The following MCEMP1 variants were observed in gnomAD, a reference collection of about 807,000 sequenced individuals.
MCEMP1 encodes mast cell-expressed membrane protein 1.
In MCEMP1, 17 loss-of-function variants were observed where a neutral mutation model predicts 27.9. The ratio of observed to expected loss-of-function variants is 0.61; its 90% CI spans 0.42 to 0.91. The LOEUF is 0.91. MCEMP1 is among the 40% of genes least tolerant of loss of function. MCEMP1 has a pLI of 0.00. For synonymous variants in MCEMP1, 88 were observed against 76.9 expected, an observed-to-expected ratio of 1.14 and a Z score of -0.76; for missense variants, 200 against 204.8, an observed-to-expected ratio of 0.98 and a Z score of 0.14.
At position 7,679,029 on chromosome 19, in the gene MCEMP1, T is replaced by C; in HGVS notation, c.508+46T>C. ...GAGGTGGAGGAGGGTGGGTGGGGCTTCAGATTTAGCCCCAGCTCCTCTCCC... is the reference window on the plus strand; with the variant it reads ...GAGGTGGAGGAGGGTGGGTGGGGCTCCAGATTTAGCCCCAGCTCCTCTCCC... On this transcript the variant is annotated intron_variant, in intron 6 of 6. Coordinates refer to ENST00000333598, the MANE Select transcript of MCEMP1 (RefSeq NM_174918.3). This position sits in a 1 kb window ranked among gnomAD's most constrained non-coding sequence, Gnocchi z 4.9. 2 of 1,601,400 alleles carry C rather than the reference T, an allele frequency of 1.2e-6. No individual in the cohort carries two copies. Among genetic ancestry groups the C allele is most frequent in the Non-Finnish European group, 1.7e-6 (2 of 1,172,674 alleles).
In MCEMP1 at chr19:7,679,311, CGT is replaced by C. The variant is rs2032595718; in HGVS notation, c.*203_*204del. ...GTGTACACCTGCGTGCGTGTGTGTGCGTGTGTGCGCGTGTGTTCGTGTATGTG... is the reference window on the plus strand; with the variant it reads ...GTGTACACCTGCGTGCGTGTGTGTGCGTGTGCGCGTGTGTTCGTGTATGTG... On this transcript the variant is annotated 3_prime_UTR_variant, in exon 7 of 7. Coordinates refer to ENST00000333598, the MANE Select transcript of MCEMP1 (RefSeq NM_174918.3). This position sits in a 1 kb window ranked among gnomAD's most constrained non-coding sequence, Gnocchi z 4.9. The C allele has an allele frequency of 4.7e-6, 3 of 639,052 alleles. No individual in the cohort carries two copies. The highest frequency in any genetic ancestry group is 8.0e-6 in the Non-Finnish European group (3 of 372,948). 39.6% of individuals were successfully genotyped at this position (639,052 alleles called of 1,614,324 possible).
rs1040585038 is a variant in MCEMP1 at position 7,677,435 on chromosome 19, G to A, written c.56-202G>A. The stretch of plus-strand genomic sequence containing the variant: ...GGGCTCCTTCCCCTCCAAGATGTGT[G>A]GATGTGTGTGTGGATGTGTGTGTGG... On this transcript the variant is annotated intron_variant, in intron 1 of 6. Coordinates refer to ENST00000333598, the MANE Select transcript of MCEMP1 (RefSeq NM_174918.3). The surrounding 1 kb of genome is among the most constrained non-coding windows in gnomAD (Gnocchi z 4.6). 2.8e-5 allele frequency among the ~76,000 whole-genome samples: 4 copies of A among 144,502 alleles called. No homozygotes were observed. Among genetic ancestry groups the A allele is most frequent in the Non-Finnish European group, 6.1e-5 (4 of 65,512 alleles). 94.8% of individuals were successfully genotyped at this position (144,502 alleles called of 152,430 possible). A position where few individuals can be genotyped will look rare whatever the true frequency, so the allele number is the denominator to read the frequency against.
At position 7,677,994 on chromosome 19, in the gene MCEMP1, C is replaced by T. The variant is rs2032571951; in HGVS notation, c.146-110C>T. The T allele has an allele frequency of 4.1e-6, 6 of 1,452,550 alleles. No homozygotes were observed. In the East Asian group the frequency reaches 9.1e-5, roughly 22 times the overall value. The allele number at this position is 1,452,550 out of a possible 1,614,324, so 90.0% of individuals were successfully genotyped here. A position where few individuals can be genotyped will look rare whatever the true frequency, so the allele number is the denominator to read the frequency against. ...ATGATGACAAGCTGCATGACCACAG[C>T]TGCTGATGGTTTTGAGAGGAGCGAG... On this transcript the variant is annotated intron_variant, in intron 2 of 6. Coordinates refer to ENST00000333598, the MANE Select transcript of MCEMP1 (RefSeq NM_174918.3). The surrounding 1 kb of genome is among the most constrained non-coding windows in gnomAD (Gnocchi z 4.6).
chr19:7,677,798 C>A lies in MCEMP1; in HGVS notation c.145+72C>A, dbSNP rs1282104875. The A allele has an allele frequency of 1.4e-6, 2 of 1,390,848 alleles. No individual in the cohort carries two copies. Among genetic ancestry groups the A allele is most frequent in the African/African-American group, 2.9e-5 (2 of 68,770 alleles). 86.2% of individuals were successfully genotyped at this position (1,390,848 alleles called of 1,614,324 possible). On this transcript the variant is annotated intron_variant, in intron 2 of 6. Coordinates refer to ENST00000333598, the MANE Select transcript of MCEMP1 (RefSeq NM_174918.3). This position sits in a 1 kb window ranked among gnomAD's most constrained non-coding sequence, Gnocchi z 4.6. Reference sequence around the variant, plus strand: ...CAGGTGGGCGGGCAACTGCAGGGCCCCCGGGGCTGCGTGGAAGGGAGGAAG... The same window carrying A: ...CAGGTGGGCGGGCAACTGCAGGGCCACCGGGGCTGCGTGGAAGGGAGGAAG...
rs1467215148 is a variant in MCEMP1, at chr19:7,678,800, G to T, written c.449-124G>T. The T allele has an allele frequency of 6.9e-6, 8 of 1,162,692 alleles. No homozygotes were observed. The East Asian group carries it at 2.1e-4, about 30-fold the overall frequency. The allele number at this position is 1,162,692 out of a possible 1,614,324, so 72.0% of individuals were successfully genotyped here. On this transcript the variant is annotated intron_variant, in intron 5 of 6. Transcript: ENST00000333598. This position sits in a 1 kb window ranked among gnomAD's most constrained non-coding sequence, Gnocchi z 4.8. ...GCTCCTGGGAACCCCAAATCCATGG[G>T]CTCTGCTGTACCCCAGGGTGGGTGT...
chr19:7,677,536 C>T lies in MCEMP1; in HGVS notation c.56-101C>T. 2 of 1,173,314 alleles carry T rather than the reference C, an allele frequency of 1.7e-6. No homozygotes were observed. The highest frequency in any genetic ancestry group is 2.5e-6 in the Non-Finnish European group (2 of 785,170). 72.7% of individuals were successfully genotyped at this position (1,173,314 alleles called of 1,614,324 possible). A position where few individuals can be genotyped will look rare whatever the true frequency, so the allele number is the denominator to read the frequency against. On this transcript the variant is annotated intron_variant, in intron 1 of 6. Transcript: ENST00000333598. This position sits in a 1 kb window ranked among gnomAD's most constrained non-coding sequence, Gnocchi z 4.6. ...TTTTAGCTTCTCACTCCTTATCTTT[C>T]ACCCCCTACAATTTATTGAGTGCAA...
rs1465697577 is a variant in MCEMP1 at position 7,678,860 on chromosome 19, CT to C, written c.449-61del. Reference sequence around the variant, plus strand: ...GGGGTGCTTCCAAGGAAGGTGGGGGCTTTGTTTGAGGCTCCACCGCAGCTTG... The same window carrying C: ...GGGGTGCTTCCAAGGAAGGTGGGGGCTTGTTTGAGGCTCCACCGCAGCTTG... On this transcript the variant is annotated intron_variant, in intron 5 of 6. Coordinates refer to ENST00000333598, the MANE Select transcript of MCEMP1 (RefSeq NM_174918.3). This position sits in a 1 kb window ranked among gnomAD's most constrained non-coding sequence, Gnocchi z 4.8. The C allele has an allele frequency of 1.4e-6, 2 of 1,455,072 alleles. No homozygotes were observed. The highest frequency in any genetic ancestry group is 2.8e-5 in the African/African-American group (2 of 70,964). The allele number at this position is 1,455,072 out of a possible 1,614,324, so 90.1% of individuals were successfully genotyped here.
At position 7,677,732 on chromosome 19, in the gene MCEMP1, C is replaced by T. The variant is rs768697623; in HGVS notation, c.145+6C>T. 5.0e-6 allele frequency: 8 copies of T among 1,596,854 alleles called. No homozygotes were observed. The African/African-American group carries it at 9.4e-5, about 19-fold the overall frequency. On this transcript the variant is annotated splice_donor_region_variant and intron_variant, in intron 2 of 6. Coordinates refer to ENST00000333598, the MANE Select transcript of MCEMP1 (RefSeq NM_174918.3). This position sits in a 1 kb window ranked among gnomAD's most constrained non-coding sequence, Gnocchi z 4.6. ...TTCACGACCCACGAGCCAAGGTGAG[C>T]AGACACCCACCTGCTCACATCCCAT...
Position 7,678,354 on chromosome 19 carries a change from T to A in MCEMP1, c.288T>A (p.Ala96=), listed in dbSNP as rs199684838. ...ILSAFIMVKN[A]EMSKELLGFK... ...TTTCCTGCCCCTCCTGAACAGATGC[T>A]GAGATGTCCAAGGAGCTGCTGGGCT... Residue 96 remains alanine, a synonymous_variant, in exon 4 of 7, where the codon GCT becomes GCA. Transcript: ENST00000333598. This position sits in a 1 kb window ranked among gnomAD's most constrained non-coding sequence, Gnocchi z 4.8. The A allele has an allele frequency of 6.2e-7, 1 of 1,614,014 alleles. No homozygotes were observed. The highest frequency in any genetic ancestry group is 1.7e-5 in the Admixed American group (1 of 60,002).
At position 7,678,907 on chromosome 19, in the gene MCEMP1, C is replaced by CA; in HGVS notation, c.449-17_449-16insA. 1.1e-6 allele frequency: 1 copy of CA among 906,010 alleles called. No homozygotes were observed. Among genetic ancestry groups the CA allele is most frequent in the Non-Finnish European group, 1.7e-6 (1 of 591,806 alleles). The allele number at this position is 906,010 out of a possible 1,614,324, so 56.1% of individuals were successfully genotyped here. A position where few individuals can be genotyped will look rare whatever the true frequency, so the allele number is the denominator to read the frequency against. Reference sequence around the variant, plus strand: ...GCTTGACTTATCTGTTCCCACCCAACCCTCCCCGCCCCCTAGGCATAAAAA... The same window carrying CA: ...GCTTGACTTATCTGTTCCCACCCAACACCTCCCCGCCCCCTAGGCATAAAAA... On this transcript the variant is annotated splice_polypyrimidine_tract_variant and intron_variant, in intron 5 of 6. Transcript: ENST00000333598. The surrounding 1 kb of genome is among the most constrained non-coding windows in gnomAD (Gnocchi z 4.8).
In MCEMP1 at chr19:7,678,204, C is replaced by T. The variant is rs777135036; in HGVS notation, c.246C>T (p.Val82=). The T allele has an allele frequency of 1.3e-5, 21 of 1,613,968 alleles. No homozygotes were observed. In the Middle Eastern group the frequency reaches 4.9e-4, roughly 38 times the overall value. ...SLYILLALAF[V]LCIILSAFIM... is the part of the protein sequence containing the mutation. ...ACATCCTCCTGGCCCTGGCCTTTGT[C>T]CTCTGCATCATCCTGTCAGCCTTCA... is the stretch of plus-strand genomic sequence containing the variant. Residue 82 remains valine (V), a synonymous_variant, in exon 3 of 7, where the codon GTC becomes GTT. Coordinates refer to ENST00000333598, the MANE Select transcript of MCEMP1 (RefSeq NM_174918.3). This position sits in a 1 kb window ranked among gnomAD's most constrained non-coding sequence, Gnocchi z 4.8.
chr19:7,677,920 G>T lies in MCEMP1; in HGVS notation c.146-184G>T. ...TGCTGGAGAGGGGGTCTGTGATGGT[G>T]ACGGTGTTAGATCGCTGAGGGTGGC... On this transcript the variant is annotated intron_variant, in intron 2 of 6. Coordinates refer to ENST00000333598, the MANE Select transcript of MCEMP1 (RefSeq NM_174918.3). This position sits in a 1 kb window ranked among gnomAD's most constrained non-coding sequence, Gnocchi z 4.6. The T allele has an allele frequency of 9.3e-7, 1 of 1,075,112 alleles. No individual in the cohort carries two copies. Among genetic ancestry groups the T allele is most frequent in the South Asian group, 1.5e-5 (1 of 65,358 alleles). 66.6% of individuals were successfully genotyped at this position (1,075,112 alleles called of 1,614,324 possible).
In MCEMP1 at chr19:7,679,316, G is replaced by C; in HGVS notation, c.*202G>C. On this transcript the variant is annotated 3_prime_UTR_variant, in exon 7 of 7. Coordinates refer to ENST00000333598, the MANE Select transcript of MCEMP1 (RefSeq NM_174918.3). This position sits in a 1 kb window ranked among gnomAD's most constrained non-coding sequence, Gnocchi z 4.9. ...CACCTGCGTGCGTGTGTGTGCGTGT[G>C]TGCGCGTGTGTTCGTGTATGTGCGT... 1.5e-6 allele frequency: 1 copy of C among 647,092 alleles called. No individual in the cohort carries two copies. The highest frequency in any genetic ancestry group is 2.6e-6 in the Non-Finnish European group (1 of 378,542). 40.1% of individuals were successfully genotyped at this position (647,092 alleles called of 1,614,324 possible).
rs1158652767 is a variant in MCEMP1, at chr19:7,678,071, C to T, written c.146-33C>T. The T allele has an allele frequency of 6.4e-7, 1 of 1,560,884 alleles. No individual in the cohort carries two copies. The highest frequency in any genetic ancestry group is 2.2e-5 in the East Asian group (1 of 44,508). The stretch of plus-strand genomic sequence containing the variant: ...GATGGTTTGAGTGGTGGTGCTGGCC[C>T]CTCAAGGTCACTTTGCTGCCTCTTT... On this transcript the variant is annotated intron_variant, in intron 2 of 6. Transcript: ENST00000333598. This position sits in a 1 kb window ranked among gnomAD's most constrained non-coding sequence, Gnocchi z 4.8.
At position 7,677,604 on chromosome 19, in the gene MCEMP1, C is replaced by T. The variant is rs576851942; in HGVS notation, c.56-33C>T. 7.0e-5 allele frequency: 110 copies of T among 1,566,896 alleles called. 2 individuals are homozygous for T. The South Asian group carries it at 9.5e-4, about 14-fold the overall frequency. ...GATCCCGGATCCACTCTCCACACCA[C>T]AGAGCTCTGAGCAGATCTCCAACCC... On this transcript the variant is annotated intron_variant, in intron 1 of 6. Coordinates refer to ENST00000333598, the MANE Select transcript of MCEMP1 (RefSeq NM_174918.3). The surrounding 1 kb of genome is among the most constrained non-coding windows in gnomAD (Gnocchi z 4.6).
At position 7,678,904 on chromosome 19, in the gene MCEMP1, CA is replaced by C; in HGVS notation, c.449-18del. 2.4e-6 allele frequency: 3 copies of C among 1,271,204 alleles called. No individual in the cohort carries two copies. The highest frequency in any genetic ancestry group is 1.9e-5 in the Admixed American group (1 of 51,358). The allele number at this position is 1,271,204 out of a possible 1,614,324, so 78.7% of individuals were successfully genotyped here. ...GCAGCTTGACTTATCTGTTCCCACC[CA>C]ACCCTCCCCGCCCCCTAGGCATAAA... On this transcript the variant is annotated intron_variant, in intron 5 of 6. Transcript: ENST00000333598. The surrounding 1 kb of genome is among the most constrained non-coding windows in gnomAD (Gnocchi z 4.8).
rs370923407 is a variant in MCEMP1 at position 7,677,643 on chromosome 19, A to C, written c.62A>C (p.His21Pro). The change falls in exon 2 of 7, where the codon CAT becomes CCT. Residue 21 changes from histidine to proline, a missense_variant. By Grantham distance (77) the His-to-Pro change is moderately conservative (BLOSUM62 -2). Transcript: ENST00000333598. This position sits in a 1 kb window ranked among gnomAD's most constrained non-coding sequence, Gnocchi z 4.6. ...GATCTCCAACCCCTCCCAGGTGCCC[A>C]TGACCCAGACTATGAGAATATCACC... ...QGVSAKNQGA[H>P]DPDYENITLA... 3.1e-6 allele frequency: 5 copies of C among 1,613,816 alleles called. No homozygotes were observed. In the East Asian group the frequency reaches 8.9e-5, roughly 29 times the overall value.
In MCEMP1 at chr19:7,679,805, GATAA is replaced by G. The variant is rs1421183225; in HGVS notation, c.*697_*700del. The G allele has an allele frequency of 6.6e-6, 1 of 152,150 alleles. No homozygotes were observed. The highest frequency in any genetic ancestry group is 1.9e-4 in the East Asian group (1 of 5,200). 9.4% of individuals were successfully genotyped at this position (152,150 alleles called of 1,614,324 possible). On this transcript the variant is annotated 3_prime_UTR_variant, in exon 7 of 7. Coordinates refer to ENST00000333598, the MANE Select transcript of MCEMP1 (RefSeq NM_174918.3). This position sits in a 1 kb window ranked among gnomAD's most constrained non-coding sequence, Gnocchi z 4.9. ...GCACTCACATTTTGTGACTTATGAA[GATAA>G]ATAAAGTCAAGGGAAAACAGCGTCG...
Position 7,678,183 on chromosome 19 carries a change from C to T in MCEMP1, c.225C>T (p.Ile75=). ...WLYRAILSLY[I]LLALAFVLCI... is the part of the protein sequence containing the mutation. Reference sequence around the variant, plus strand: ...ACAGAGCCATCCTGAGCCTGTACATCCTCCTGGCCCTGGCCTTTGTCCTCT... The same window carrying T: ...ACAGAGCCATCCTGAGCCTGTACATTCTCCTGGCCCTGGCCTTTGTCCTCT... The change falls in exon 3 of 7, where the codon ATC becomes ATT. Residue 75 remains isoleucine, a synonymous_variant. Transcript: ENST00000333598. This position sits in a 1 kb window ranked among gnomAD's most constrained non-coding sequence, Gnocchi z 4.8. 6.2e-7 allele frequency: 1 copy of T among 1,614,114 alleles called. No individual in the cohort carries two copies. Among genetic ancestry groups the T allele is most frequent in the Middle Eastern group, 1.7e-4 (1 of 6,060 alleles).
Sources: allele counts gnomAD v4.1 joint callset (sites outside exome capture counted in the v4.1 genomes callset), GRCh38; gene constraint gnomAD v4.1.1; non-coding constraint Gnocchi (gnomAD v3.1); transcripts MANE v1.5; gene names NCBI Gene and HGNC (gene_info 2026-07-23, HGNC 2026-07-21).